CSMD1: variants seen among roughly 807,000 people sequenced by gnomAD.
CSMD1 encodes CUB and Sushi multiple domains 1, also known as CUB and sushi domain-containing protein 1.
Under a neutral mutation model 417.5 loss-of-function variants are expected in CSMD1, and 213 were observed. The observed-to-expected ratio is 0.51, with a 90% confidence interval of 0.46 to 0.57. The LOEUF is 0.57. Ranked by LOEUF, CSMD1 falls within the 20% of genes least tolerant of loss-of-function variation. The probability of loss-of-function intolerance (pLI) is 0.00; values close to 1 mark genes in which losing one functional copy is unlikely to be tolerated. For synonymous variants in CSMD1, 2,862 were observed against 1,736.8 expected (o/e 1.65, Z -16.11); for missense variants, 6,923 against 4,529.7 (o/e 1.53, Z -15.17).
At position 4,616,060 on chromosome 8, in the gene CSMD1, G is replaced by A. The variant is rs1801457672; in HGVS notation, c.302+21282C>T. Reference sequence around the variant, plus strand: ...TAAACTTAGTTCTACCCAATAGTCTGGAGTGTTCTTATTTCATAGTGCAAC... The same window carrying A: ...TAAACTTAGTTCTACCCAATAGTCTAGAGTGTTCTTATTTCATAGTGCAAC... On this transcript the variant is annotated intron_variant, in intron 2 of 69. Transcript: ENST00000635120. Among the ~76,000 whole-genome samples the A allele has an allele frequency of 2.0e-5, 3 of 152,104 alleles. No individual in the cohort carries two copies. In the South Asian group the frequency reaches 6.2e-4, roughly 31 times the overall value.
chr8:4,050,303 C>G (rs1048539955), intron 3 of CSMD1, among the ~76,000 whole-genome samples: 1 of 152,108 alleles, frequency 6.6e-6, no homozygotes. Flanking sequence ...AGCAGCAGAA[C>G]TTAAGGAATA....
chr8:3,047,693 T>G (rs949148041), intron 50 of CSMD1, among the ~76,000 whole-genome samples: 5 of 152,238 alleles, frequency 3.3e-5, no homozygotes, highest in Non-Finnish European at 7.3e-5. Flanking sequence ...TGTGTTTCTT[T>G]TCCTCATAAT....
rs17728822 is a variant in CSMD1 at position 2,988,441 on chromosome 8, G to A, written c.8377+9570C>T. On this transcript the variant is annotated intron_variant, in intron 54 of 69. Transcript: ENST00000635120. Reference sequence around the variant, plus strand: ...AACAGTATGTGAATCATCCTGAAACGATGTGAGACCTGGTAAATCTAACTG... The same window carrying A: ...AACAGTATGTGAATCATCCTGAAACAATGTGAGACCTGGTAAATCTAACTG... Among the ~76,000 whole-genome samples, 1,057 of 152,242 alleles carry A rather than the reference G, an allele frequency of 6.9e-3. 13 individuals carry two copies. Among genetic ancestry groups the A allele is most frequent in the Middle Eastern group, 0.014 (4 of 294 alleles).
At chr8:3,711,263 G>A (rs778195463) in intron 6 of CSMD1, among the ~76,000 whole-genome samples, 4 of 152,110 alleles carry the variant, frequency 2.6e-5, no homozygotes, top group Non-Finnish European at 5.9e-5. Context: ...GGAAAAAACT[G>A]TTGTCATCAG....
chr8:4,826,982 G>C (rs1369910093), intron 1 of CSMD1, among the ~76,000 whole-genome samples: 1 of 152,040 alleles, frequency 6.6e-6, no homozygotes, highest in East Asian at 1.9e-4. Context: ...GAATACGACG[G>C]TAAGAAATCA....
chr8:3,805,661 G>C (rs973032599), intron 5 of CSMD1, among the ~76,000 whole-genome samples: 3 of 151,998 alleles, frequency 2.0e-5, no homozygotes, highest in African/African-American at 7.2e-5. Context: ...AGGCAAGTTG[G>C]GTATTTGATT....
Position 3,542,713 on chromosome 8 carries a change from C to T in CSMD1, c.1344+32232G>A, listed in dbSNP as rs1798491582. ...GTCTCAAGAATAACTGTCAAATGTG[C>T]TGGGGATGCTGTAGGTTGAGGTAAG... On this transcript the variant is annotated intron_variant, in intron 10 of 69. Coordinates refer to ENST00000635120, the MANE Select transcript of CSMD1 (RefSeq NM_033225.6). Among the ~76,000 whole-genome samples, 5 of 152,324 alleles carry T rather than the reference C, an allele frequency of 3.3e-5. No individual in the cohort carries two copies. The South Asian group carries it at 1.0e-3, about 32-fold the overall frequency.
intron 2 of CSMD1, among the ~76,000 whole-genome samples, chr8:4,573,032 G>T (rs186750005): frequency 6.6e-6 from 1 of 152,234 alleles, no homozygotes; most frequent in Non-Finnish European, 1.5e-5. Context: ...CTTTTATCAA[G>T]GTTCTTATCT....
intron 1 of CSMD1, among the ~76,000 whole-genome samples, chr8:4,817,231 G>C (rs1448578788): frequency 6.6e-6 from 1 of 152,056 alleles, no homozygotes; most frequent in African/African-American, 2.4e-5. Context: ...ACCTAGATTT[G>C]CAGTTAGTGA....
At chr8:4,599,708 G>A (rs896241972) in intron 2 of CSMD1, among the ~76,000 whole-genome samples, 1 of 152,190 alleles carries the variant, frequency 6.6e-6, no homozygotes, top group Non-Finnish European at 1.5e-5. Flanking sequence ...GTGATAGCCA[G>A]TCATAGCAAC....
At chr8:3,588,294 GA>G (rs1209754450) in intron 8 of CSMD1, among the ~76,000 whole-genome samples, 1 of 149,258 alleles carries the variant, frequency 6.7e-6, no homozygotes, top group Non-Finnish European at 1.5e-5. Context: ...AGTTAAGAAA[GA>G]AAAAAATAAC....
At chr8:3,803,528 G>T (rs772212752) in intron 5 of CSMD1, among the ~76,000 whole-genome samples, 1 of 152,152 alleles carries the variant, frequency 6.6e-6, no homozygotes, top group Non-Finnish European at 1.5e-5. Flanking sequence ...CAGGGGCTGG[G>T]CCCAGGACAG....
chr8:3,142,525 G>A lies in CSMD1; in HGVS notation c.6181C>T (p.Leu2061Phe). 9 of 1,613,984 alleles carry A rather than the reference G, an allele frequency of 5.6e-6. No individual in the cohort carries two copies. Among genetic ancestry groups the A allele is most frequent in the Non-Finnish European group, 7.6e-6 (9 of 1,179,898 alleles). Reference sequence around the variant, plus strand: ...GAATGGTCACTATAAAAGTGGATGAGGGTTTCATGCGTTGTGCTCAGCAGG... The same window carrying A: ...GAATGGTCACTATAAAAGTGGATGAAGGTTTCATGCGTTGTGCTCAGCAGG... ...AALLSTTHET[L>F]IHFYSDHSQN... Residue 2061 changes from leucine (L) to phenylalanine (F), a missense_variant, in exon 41 of 70, where the codon CTC (leucine) becomes TTC (phenylalanine). By Grantham distance (22) the Leu-to-Phe change is conservative. Coordinates refer to ENST00000635120, the MANE Select transcript of CSMD1 (RefSeq NM_033225.6).
chr8:4,249,436 T>C (rs1802914997), intron 3 of CSMD1, among the ~76,000 whole-genome samples: 1 of 152,178 alleles, frequency 6.6e-6, no homozygotes, highest in Non-Finnish European at 1.5e-5. Flanking sequence ...AAAAGGATCC[T>C]ATAATCACAA....
In CSMD1 at chr8:4,433,041, G is replaced by C. The variant is rs148920197; in HGVS notation, c.303-12976C>G. Among the ~76,000 whole-genome samples, 226 of 152,156 alleles carry C rather than the reference G, an allele frequency of 1.5e-3. 2 individuals carry two copies. The highest frequency in any genetic ancestry group is 1.4e-3 in the Non-Finnish European group (92 of 68,004). ...CAACACTGTCGTGAACTACGTATAT[G>C]AGGGATCGAGGTTGCACACTCTTTA... On this transcript the variant is annotated intron_variant, in intron 2 of 69. Coordinates refer to ENST00000635120, the MANE Select transcript of CSMD1 (RefSeq NM_033225.6).
At chr8:3,420,451 G>A (rs1585138649) in intron 12 of CSMD1, among the ~76,000 whole-genome samples, 2 of 149,830 alleles carry the variant, frequency 1.3e-5, no homozygotes, top group African/African-American at 4.9e-5. Flanking sequence ...ATGGAAATCT[G>A]AATAAAATAC....
Position 3,387,563 on chromosome 8 carries a change from G to T in CSMD1, c.2713C>A (p.Leu905Ile), listed in dbSNP as rs1435014954. ...CAGACGAGGGGCTCGTCGTCACTTA[G>T]TGTGTACCCCGGGTCACAGCTGAAA... is the stretch of plus-strand genomic sequence containing the variant. ...VTFSCDPGYTLSDDEPLVCER... is the reference protein window; with the variant it reads ...VTFSCDPGYTISDDEPLVCER... Residue 905 changes from leucine to isoleucine, a missense_variant, in exon 18 of 70, where the codon CTA becomes ATA. Transcript: ENST00000635120. 6.2e-7 allele frequency: 1 copy of T among 1,602,318 alleles called. No individual in the cohort carries two copies. Among genetic ancestry groups the T allele is most frequent in the Non-Finnish European group, 8.5e-7 (1 of 1,174,416 alleles).
At position 4,786,204 on chromosome 8, in the gene CSMD1, A is replaced by G. The variant is rs1053973830; in HGVS notation, c.86-148646T>C. 2.6e-5 allele frequency among the ~76,000 whole-genome samples: 4 copies of G among 152,322 alleles called. No individual in the cohort carries two copies. The East Asian group carries it at 5.8e-4, about 22-fold the overall frequency. Reference sequence around the variant, plus strand: ...TCTACCATCTTGGCTCTTAAGCAAGAATCTTATTTCACCAATTCAATTCAC... The same window carrying G: ...TCTACCATCTTGGCTCTTAAGCAAGGATCTTATTTCACCAATTCAATTCAC... On this transcript the variant is annotated intron_variant, in intron 1 of 69. Transcript: ENST00000635120.
intron 1 of CSMD1, among the ~76,000 whole-genome samples, chr8:4,782,356 A>C (rs1326761590): frequency 6.6e-6 from 1 of 152,212 alleles, no homozygotes; most frequent in African/African-American, 2.4e-5. Context: ...AAAACTACTG[A>C]TTATACCCCA....
Sources: gnomAD v4.1 joint callset for allele counts (sites outside exome capture counted in the v4.1 genomes callset) on GRCh38, gnomAD v4.1.1 for gene constraint, MANE v1.5 for transcripts, NCBI Gene and HGNC (gene_info 2026-07-23, HGNC 2026-07-21) for gene names.